Variants in ERN2 observed in about 807,000 individuals in gnomAD.
The protein encoded by ERN2 is serine/threonine-protein kinase/endoribonuclease IRE2.
Under a neutral mutation model 107.9 loss-of-function variants are expected in ERN2, and 111 were observed. That is an observed-to-expected ratio of 1.03 (90% CI 0.88 to 1.20). The LOEUF (loss-of-function observed/expected upper bound fraction) is 1.20. Among genes scored for constraint, ERN2 ranks in the 50% most tolerant of loss-of-function variants. ERN2 has a pLI of 0.00. For synonymous variants in ERN2, 524 were observed against 501.7 expected, an observed-to-expected ratio of 1.04 and a Z score of -0.59; for missense variants, 1,225 against 1,197.9, an observed-to-expected ratio of 1.02 and a Z score of -0.33.
In ERN2 at chr16:23,692,266, G is replaced by C. The variant is rs760665092; in HGVS notation, c.2166C>G (p.His722Gln). The change falls in exon 18 of 22, where the codon CAC becomes CAG. Residue 722 changes from histidine to glutamine, a missense_variant. By Grantham distance (24) the His-to-Gln change is conservative. Coordinates refer to ENST00000256797, the MANE Select transcript of ERN2 (RefSeq NM_033266.4). The part of the protein sequence containing the change: ...VFYYVLSGGS[H>Q]PFGDSLYRQA... ...GGCGATAAAGACTGTCTCCAAAGGG[G>C]TGGCTGCCACCAGAAAGCACGTAGT... 6.2e-7 allele frequency: 1 copy of C among 1,614,192 alleles called. No homozygotes were observed. Among genetic ancestry groups the C allele is most frequent in the Non-Finnish European group, 8.5e-7 (1 of 1,180,040 alleles).
chr16:23,694,841 GGCCGAA>G lies in ERN2; in HGVS notation c.1981_1986del (p.Phe661_Gly662del). ...CGGCCAGCAGGCAGCTTCTTGCAGAGGCCGAAGTCTGAGAGCACCACTCTGCCCAGG... is the reference window on the plus strand; with the variant it reads ...CGGCCAGCAGGCAGCTTCTTGCAGAGGTCTGAGAGCACCACTCTGCCCAGG... On this transcript the variant is annotated inframe_deletion, in exon 17 of 22. Transcript: ENST00000256797. The G allele has an allele frequency of 6.2e-7, 1 of 1,614,202 alleles. No homozygotes were observed. Among genetic ancestry groups the G allele is most frequent in the East Asian group, 2.2e-5 (1 of 44,884 alleles).
intron 11 of ERN2, 129 bp from the exon 12 acceptor site, chr16:23,701,243 G>A (rs1317535212): frequency 1.4e-5 from 13 of 904,992 alleles, no homozygotes; most frequent in Non-Finnish European, 2.0e-5. Context: ...GGTGGGAAAC[G>A]TGGCACTCTC....
chr16:23,691,168 C>T lies in ERN2; in HGVS notation c.2529G>A (p.Gly843=). 1 of 1,614,148 alleles carries T rather than the reference C, an allele frequency of 6.2e-7. No individual in the cohort carries two copies. Among genetic ancestry groups the T allele is most frequent in the Non-Finnish European group, 8.5e-7 (1 of 1,180,042 alleles). Residue 843 remains glycine, a synonymous_variant, in exon 21 of 22, where the codon GGG becomes GGA. Coordinates refer to ENST00000256797, the MANE Select transcript of ERN2 (RefSeq NM_033266.4). The stretch of plus-strand genomic sequence containing the variant: ...CACGGAGCAGGTCTCGCACTGATGT[C>T]CCCTTATAGGACCGGAACTTTCTCA... ...TDLRKFRSYK[G]TSVRDLLRAV... is the part of the protein sequence containing the mutation.
intron 4 of ERN2, 182 bp from the exon 5 acceptor site, chr16:23,707,261 T>C (rs556574981): frequency 3.3e-6 from 2 of 604,130 alleles, no homozygotes; most frequent in Non-Finnish European, 6.1e-6. Context: ...AGCTACTAAA[T>C]GGCAGAGCCT....
At chr16:23,708,180 G>T (rs1960399619) in intron 4 of ERN2, among the ~76,000 whole-genome samples, 1 of 152,042 alleles carries the variant, frequency 6.6e-6, no homozygotes, top group Admixed American at 6.6e-5. Context: ...CAGAATTAGG[G>T]CTGATAATGT....
At position 23,690,413 on chromosome 16, in the gene ERN2, A is replaced by G. The variant is rs1218770834; in HGVS notation, c.*418T>C. 4 of 460,522 alleles carry G rather than the reference A, an allele frequency of 8.7e-6. No homozygotes were observed. The highest frequency in any genetic ancestry group is 1.6e-5 in the Non-Finnish European group (4 of 252,060). The allele number at this position is 460,522 out of a possible 1,614,324, so 28.5% of individuals were successfully genotyped here. A position where few individuals can be genotyped will look rare whatever the true frequency, so the allele number is the denominator to read the frequency against. On this transcript the variant is annotated 3_prime_UTR_variant, in exon 22 of 22. Transcript: ENST00000256797. ...GGGTGCCAGGGCCTGGGATCCAGCGAACATCTCTGCTTCATCAGCCCCAGG... is the reference window on the plus strand; with the variant it reads ...GGGTGCCAGGGCCTGGGATCCAGCGGACATCTCTGCTTCATCAGCCCCAGG...
At position 23,707,320 on chromosome 16, in the gene ERN2, T is replaced by G. The variant is rs1470838399; in HGVS notation, c.307-241A>C. On this transcript the variant is annotated intron_variant, in intron 4 of 21. Coordinates refer to ENST00000256797, the MANE Select transcript of ERN2 (RefSeq NM_033266.4). ...CTCCAGAGCCAGCACACTGAATCATTTTGCTACACAGCCTCTTGAGGAAAT... is the reference window on the plus strand; with the variant it reads ...CTCCAGAGCCAGCACACTGAATCATGTTGCTACACAGCCTCTTGAGGAAAT... 3 of 524,008 alleles carry G rather than the reference T, an allele frequency of 5.7e-6. No individual in the cohort carries two copies. In the African/African-American group the frequency reaches 5.8e-5, roughly 10 times the overall value. The allele number at this position is 524,008 out of a possible 1,614,324, so 32.5% of individuals were successfully genotyped here.
rs1437644609 is a variant in ERN2, at chr16:23,707,115, C to A, written c.307-36G>T. ...GAAAATTTACAGGAAGGAGTAAGAG[C>A]AGCAACACACAGTGCTCACTGTGCC... On this transcript the variant is annotated intron_variant, in intron 4 of 21. Coordinates refer to ENST00000256797, the MANE Select transcript of ERN2 (RefSeq NM_033266.4). The A allele has an allele frequency of 3.5e-6, 5 of 1,417,682 alleles. No individual in the cohort carries two copies. In the Admixed American group the frequency reaches 8.4e-5, roughly 24 times the overall value. 87.8% of individuals were successfully genotyped at this position (1,417,682 alleles called of 1,614,324 possible). A position where few individuals can be genotyped will look rare whatever the true frequency, so the allele number is the denominator to read the frequency against.
chr16:23,691,363 C>T lies in ERN2; in HGVS notation c.2439G>A (p.Ala813=), dbSNP rs1475370856. ...EQEPLVRALE[A]GGCAVVRDNW... ...TGTCCCGGACCACTGCGCAGCCTCC[C>T]GCCTCCAGTGCCCTCACCAGGGGCT... The change falls in exon 20 of 22, where the codon GCG becomes GCA. Residue 813 remains alanine, a synonymous_variant. Coordinates refer to ENST00000256797, the MANE Select transcript of ERN2 (RefSeq NM_033266.4). 12 of 1,603,814 alleles carry T rather than the reference C, an allele frequency of 7.5e-6. No individual in the cohort carries two copies. The highest frequency in any genetic ancestry group is 2.7e-5 in the African/African-American group (2 of 74,912).
rs1465364864 is a variant in ERN2 at position 23,690,986 on chromosome 16, C to T, written c.2626G>A (p.Asp876Asn). Residue 876 changes from aspartate (D) to asparagine (N), a missense_variant, in exon 22 of 22, where the codon GAT becomes AAT. Coordinates refer to ENST00000256797, the MANE Select transcript of ERN2 (RefSeq NM_033266.4). ...EVRQALGQVP[D>N]GFVQYFTNRF... ...TTTGTGAAGTACTGGACGAAGCCAT[C>T]AGGGACTTGGCCGAGTGCCTGTCGC... The T allele has an allele frequency of 6.2e-7, 1 of 1,614,162 alleles. No homozygotes were observed. The highest frequency in any genetic ancestry group is 2.2e-5 in the East Asian group (1 of 44,884).
chr16:23,702,574 T>G, intron 9 of ERN2, 37 bp from the exon 10 acceptor site: 2 of 1,613,400 alleles, frequency 1.2e-6, no homozygotes, highest in Non-Finnish European at 1.7e-6. Flanking sequence ...GTGAGGGAGG[T>G]TCTTCTCCCG....
At chr16:23,708,322 C>A (rs1020412324) in intron 4 of ERN2, among the ~76,000 whole-genome samples, 1 of 148,722 alleles carries the variant, frequency 6.7e-6, no homozygotes, top group East Asian at 2.0e-4. Flanking sequence ...GATCGTGGGG[C>A]CAGATCTTTC....
chr16:23,700,220 A>G (rs1959989387), intron 13 of ERN2, among the ~76,000 whole-genome samples: 1 of 152,134 alleles, frequency 6.6e-6, no homozygotes, highest in South Asian at 2.1e-4. Flanking sequence ...GCCTGTAGTC[A>G]CAGCTACTTG....
rs564901992 is a variant in ERN2, at chr16:23,693,640, G to A, written c.2100+1088C>T. ...TAGGCCACTAATTTAAATATAAACT[G>A]TATAGTCTCATGACATCATGCATTT... On this transcript the variant is annotated intron_variant, in intron 17 of 21. Transcript: ENST00000256797. Among the ~76,000 whole-genome samples the A allele has an allele frequency of 2.1e-3, 314 of 151,668 alleles. 1 individual carries two copies. The highest frequency in any genetic ancestry group is 3.7e-3 in the Non-Finnish European group (254 of 67,964).
chr16:23,700,819 CG>C, intron 12 of ERN2, 115 bp from the exon 13 acceptor site: 1 of 1,470,656 alleles, frequency 6.8e-7, no homozygotes, highest in Non-Finnish European at 9.2e-7. Context: ...AGAGCAAGAT[CG>C]CAGGGGCCTG....
Position 23,690,599 on chromosome 16 carries a change from C to T in ERN2, c.*232G>A, listed in dbSNP as rs922653619. 11 of 551,312 alleles carry T rather than the reference C, an allele frequency of 2.0e-5. No homozygotes were observed. Among genetic ancestry groups the T allele is most frequent in the African/African-American group, 3.8e-5 (2 of 52,986 alleles). The allele number at this position is 551,312 out of a possible 1,614,324, so 34.2% of individuals were successfully genotyped here. On this transcript the variant is annotated 3_prime_UTR_variant, in exon 22 of 22. Coordinates refer to ENST00000256797, the MANE Select transcript of ERN2 (RefSeq NM_033266.4). ...CCTCCCAAGCAGCTGGGACTACAGGCGTGCGCCACCATGCCTGGCTAATTT... is the reference window on the plus strand; with the variant it reads ...CCTCCCAAGCAGCTGGGACTACAGGTGTGCGCCACCATGCCTGGCTAATTT...
chr16:23,704,943 A>G lies in ERN2; in HGVS notation c.794T>C (p.Leu265Pro), dbSNP rs199668996. Residue 265 changes from leucine to proline, a missense_variant, in exon 8 of 22, where the codon CTG becomes CCG. Leu to Pro is a moderately conservative substitution (Grantham distance 98). Transcript: ENST00000256797. ...FLALRWGHIR[L>P]PASGPRDTAT... Reference sequence around the variant, plus strand: ...TGTGTCCCGGGGGCCTGAGGCAGGCAGTCGGATGTGGCCCCAGCGGAGGGC... The same window carrying G: ...TGTGTCCCGGGGGCCTGAGGCAGGCGGTCGGATGTGGCCCCAGCGGAGGGC... 6.2e-7 allele frequency: 1 copy of G among 1,613,774 alleles called. No individual in the cohort carries two copies. Among genetic ancestry groups the G allele is most frequent in the East Asian group, 2.2e-5 (1 of 44,862 alleles).
Position 23,690,466 on chromosome 16 carries a change from G to A in ERN2, c.*365C>T. 1 of 456,644 alleles carries A rather than the reference G, an allele frequency of 2.2e-6. No individual in the cohort carries two copies. The highest frequency in any genetic ancestry group is 4.0e-6 in the Non-Finnish European group (1 of 248,482). The allele number at this position is 456,644 out of a possible 1,614,324, so 28.3% of individuals were successfully genotyped here. ...GCCCAGCCTCTGCCAGTCTTGTGGG[G>A]GAAAGGGGGTGACAGTGTCTCTCTG... is the stretch of plus-strand genomic sequence containing the variant. On this transcript the variant is annotated 3_prime_UTR_variant, in exon 22 of 22. Transcript: ENST00000256797.
rs375099369 is a variant in ERN2, at chr16:23,691,312, C to T, written c.2490G>A (p.Pro830=). ...GAGTATGGCCTCTACCTGTCTGCAG[C>T]GGCATGGAGATGTGCTCGTGCCAGT... ...RDNWHEHISM[P]LQTDLRKFRS... The change falls in exon 20 of 22, where the codon CCG becomes CCA. Residue 830 remains proline, a synonymous_variant. Coordinates refer to ENST00000256797, the MANE Select transcript of ERN2 (RefSeq NM_033266.4). 42 of 1,610,540 alleles carry T rather than the reference C, an allele frequency of 2.6e-5. No individual in the cohort carries two copies. The highest frequency in any genetic ancestry group is 3.3e-5 in the South Asian group (3 of 91,078).
Sources: gnomAD v4.1 joint callset for allele counts (sites outside exome capture counted in the v4.1 genomes callset) on GRCh38, gnomAD v4.1.1 for gene constraint, MANE v1.5 for transcripts, NCBI Gene and HGNC (gene_info 2026-07-23, HGNC 2026-07-21) for gene names.